Variants in NLRP11 observed in about 807,000 individuals in gnomAD.
NLRP11 encodes NLR family pyrin domain containing 11.
Under a neutral mutation model 79.3 loss-of-function variants are expected in NLRP11, and 53 were observed. That is an observed-to-expected ratio of 0.67 (90% CI 0.54 to 0.84). The LOEUF is 0.84. Ranked by LOEUF, NLRP11 falls within the 40% of genes least tolerant of loss-of-function variation. The pLI is 0.00. For missense variants in NLRP11, 1,264 were observed against 1,255.0 expected, an observed-to-expected ratio of 1.01 and a Z score of -0.11; for synonymous variants, 518 against 462.6, an observed-to-expected ratio of 1.12 and a Z score of -1.54.
chr19:55,801,581 C>G (rs1057025243), exon 5 of NLRP11: 3 of 1,614,000 alleles, frequency 1.9e-6, no homozygotes, highest in Non-Finnish European at 2.5e-6. Flanking sequence ...CCTCAGATGA[C>G]TTATTTGGCA....
At chr19:55,811,970 TACACACACACACAC>T (rs3973377) in intron 2 of NLRP11, among the ~76,000 whole-genome samples, 1 of 149,096 alleles carries the variant, frequency 6.7e-6, no homozygotes, top group Non-Finnish European at 1.5e-5. Flanking sequence ...TTCACACATG[TACACACACACACAC>T]ACACACACAC....
chr19:55,798,708 CA>C (rs1332301551), intron 5 of NLRP11, among the ~76,000 whole-genome samples: 1 of 150,592 alleles, frequency 6.6e-6, no homozygotes, highest in Non-Finnish European at 1.5e-5. Context: ...ACTGATATAT[CA>C]AAAAATAAAG....
At position 55,811,372 on chromosome 19, in the gene NLRP11, T is replaced by A. The variant is rs1328680207; in HGVS notation, c.272-1034A>T. 2.0e-5 allele frequency among the ~76,000 whole-genome samples: 3 copies of A among 152,288 alleles called. No homozygotes were observed. The East Asian group carries it at 5.8e-4, about 29-fold the overall frequency. ...GATGACTCCTTCCTTAGTGAGCAGA[T>A]ACTTGAAAATGTTTTTATCCCTGGG... On this transcript the variant is annotated intron_variant, in intron 2 of 9. Coordinates refer to ENST00000589093, the Ensembl canonical transcript of NLRP11.
At chr19:55,794,599 A>G (rs1978623452) in intron 6 of NLRP11, among the ~76,000 whole-genome samples, 1 of 152,140 alleles carries the variant, frequency 6.6e-6, no homozygotes, top group South Asian at 2.1e-4. Context: ...TCTCTACTAA[A>G]AATACAAAAA....
intron 1 of NLRP11, among the ~76,000 whole-genome samples, chr19:55,821,137 C>G (rs951915280): frequency 1.3e-5 from 2 of 151,718 alleles, no homozygotes; most frequent in Non-Finnish European, 2.9e-5. Flanking sequence ...TTTCTCGGCA[C>G]TGTTTAATGC....
At chr19:55,785,818 T>C in exon 10 of NLRP11, 1 of 1,614,132 alleles carries the variant, frequency 6.2e-7, no homozygotes, top group Non-Finnish European at 8.5e-7. Context: ...TTTTCTTTCC[T>C]TTACAGTCAT....
exon 10 of NLRP11, chr19:55,785,613 C>T (rs535635252): frequency 1.4e-5 from 22 of 1,604,512 alleles, no homozygotes; most frequent in Middle Eastern, 1.7e-4. Context: ...ATACTGTTTA[C>T]GTACAACATG....
chr19:55,807,032 C>A (rs1980066668), intron 4 of NLRP11, among the ~76,000 whole-genome samples: 2 of 152,148 alleles, frequency 1.3e-5, no homozygotes, highest in Non-Finnish European at 2.9e-5. Flanking sequence ...CCCCCCGTAA[C>A]ACCATTATCC....
chr19:55,823,109 AC>A (rs962411973), intron 1 of NLRP11, among the ~76,000 whole-genome samples: 35 of 146,052 alleles, frequency 2.4e-4, no homozygotes, highest in African/African-American at 7.9e-4. Context: ...CTGACCCCTG[AC>A]CCCCAAGCAG....
exon 2 of NLRP11, chr19:55,818,205 G>A (rs1981337374): frequency 6.3e-7 from 1 of 1,590,328 alleles, no homozygotes. Context: ...AGACTTCAGA[G>A]AAGGGATTTT....
At chr19:55,796,453 G>T (rs1430597234) in intron 5 of NLRP11, among the ~76,000 whole-genome samples, 1 of 152,044 alleles carries the variant, frequency 6.6e-6, no homozygotes. Flanking sequence ...ATTCACGAAG[G>T]GCTGTGAGCA....
chr19:55,810,380 G>C, intron 2 of NLRP11, 42 bp from the exon 3 acceptor site: 1 of 1,529,684 alleles, frequency 6.5e-7, no homozygotes, highest in Non-Finnish European at 8.8e-7. Flanking sequence ...GAACAAAGAT[G>C]AAAGTTCAAG....
At chr19:55,818,008 A>C in exon 2 of NLRP11, 1 of 1,613,628 alleles carries the variant, frequency 6.2e-7, no homozygotes, top group South Asian at 1.1e-5. Flanking sequence ...AGAGATTGGC[A>C]ACACGTTAGC....
chr19:55,814,761 G>A (rs1980921552), intron 2 of NLRP11, among the ~76,000 whole-genome samples: 1 of 152,170 alleles, frequency 6.6e-6, no homozygotes, highest in Admixed American at 6.5e-5. Flanking sequence ...AGAGAACAGA[G>A]CAGCAACACC....
At chr19:55,814,587 A>AT (rs1980907017) in intron 2 of NLRP11, among the ~76,000 whole-genome samples, 1 of 152,048 alleles carries the variant, frequency 6.6e-6, no homozygotes, top group Admixed American at 6.6e-5. Context: ...CAACTAAAAA[A>AT]AAAATTACTA....
At chr19:55,831,119 C>A (rs1307253109) in intron 1 of NLRP11, among the ~76,000 whole-genome samples, 1 of 126,936 alleles carries the variant, frequency 7.9e-6, no homozygotes, top group African/African-American at 2.9e-5. Context: ...ATCCCCCCCA[C>A]CCCCCCGCCC....
chr19:55,794,793 C>A (rs1389672460), intron 6 of NLRP11, among the ~76,000 whole-genome samples: 2 of 151,800 alleles, frequency 1.3e-5, no homozygotes, highest in Non-Finnish European at 2.9e-5. Context: ...ATACATAATG[C>A]GATATTACAT....
At chr19:55,829,190 A>T (rs2547286) in intron 1 of NLRP11, among the ~76,000 whole-genome samples, 67,678 of 151,082 alleles carry the variant, frequency 0.45, 16,880 homozygotes, top group African/African-American at 0.68. Flanking sequence ...ACACGCTGAC[A>T]CAATATTGCA....
chr19:55,801,729 CAT>C lies in NLRP11; in HGVS notation c.2012_2013del (p.Tyr671CysfsTer8), dbSNP rs751032641. On this transcript the variant is annotated frameshift_variant, in exon 5 of 10. Transcript: ENST00000589093. LOFTEE classifies it high-confidence loss of function. ...TCTTCAAAACCAGAAGCAGTCGAGA[CAT>C]AGGACAACCTGTGGAAGACATAATA... 1 of 1,614,108 alleles carries C rather than the reference CAT, an allele frequency of 6.2e-7. No individual in the cohort carries two copies. Among genetic ancestry groups the C allele is most frequent in the African/African-American group, 1.3e-5 (1 of 75,034 alleles).
Sources: allele counts gnomAD v4.1 joint callset (sites outside exome capture counted in the v4.1 genomes callset), GRCh38; gene constraint gnomAD v4.1.1; transcripts MANE v1.5; gene names NCBI Gene and HGNC (gene_info 2026-07-23, HGNC 2026-07-21).